The following EPHA5 variants were observed in gnomAD, a reference collection of about 807,000 sequenced individuals.
EPHA5 encodes ephrin type-A receptor 5.
EPHA5 carries 60 observed loss-of-function variants against 105.0 expected under a neutral mutation model. That is an observed-to-expected ratio of 0.57 (90% CI 0.46 to 0.71). EPHA5 has a LOEUF of 0.71. EPHA5 is among the 30% of genes least tolerant of loss of function. The pLI is 0.00. For synonymous variants in EPHA5, 513 were observed against 449.1 expected (o/e 1.14, Z -1.80); for missense variants, 1,218 against 1,274.7 (o/e 0.96, Z 0.68).
intron 5 of EPHA5, among the ~76,000 whole-genome samples, chr4:65,456,479 T>C (rs1727601312): frequency 1.3e-5 from 2 of 152,322 alleles, no homozygotes; most frequent in South Asian, 2.1e-4. Flanking sequence ...TTAGAATCAT[T>C]GATGAAATGT....
intron 2 of EPHA5, among the ~76,000 whole-genome samples, chr4:65,623,567 G>C (rs1745889222): frequency 6.6e-6 from 1 of 152,108 alleles, no homozygotes. Context: ...AGGAGATACA[G>C]TGTTTCTCTT....
intron 14 of EPHA5, among the ~76,000 whole-genome samples, chr4:65,343,543 T>C (rs1315295697): frequency 6.6e-6 from 1 of 152,194 alleles, no homozygotes; most frequent in Admixed American, 6.5e-5. Flanking sequence ...CATTTGAAAT[T>C]GCCAAATCAG....
intron 3 of EPHA5, among the ~76,000 whole-genome samples, chr4:65,544,175 T>A (rs1458926332): frequency 6.6e-6 from 1 of 151,932 alleles, no homozygotes; most frequent in Non-Finnish European, 1.5e-5. Context: ...GGCAAAAACT[T>A]CATGATGAAA....
chr4:65,490,277 A>G, intron 5 of EPHA5, 100 bp downstream of exon 5: 1 of 1,201,996 alleles, frequency 8.3e-7, no homozygotes, highest in South Asian at 1.4e-5. Context: ...CGGTTGAGGG[A>G]AAATTCTCAC....
intron 3 of EPHA5, among the ~76,000 whole-genome samples, chr4:65,541,831 A>G (rs1209372515): frequency 2.0e-5 from 3 of 151,822 alleles, no homozygotes; most frequent in Non-Finnish European, 4.4e-5. Context: ...TAAAATTGAC[A>G]TTATCGGAAG....
At chr4:65,478,694 A>G (rs1253027312) in intron 5 of EPHA5, among the ~76,000 whole-genome samples, 2 of 151,922 alleles carry the variant, frequency 1.3e-5, no homozygotes, top group Non-Finnish European at 1.5e-5. Flanking sequence ...CTGGTCTCAA[A>G]CTCCTGGCCT....
chr4:65,385,793 A>C (rs1471252200), intron 8 of EPHA5, among the ~76,000 whole-genome samples: 1 of 151,834 alleles, frequency 6.6e-6, no homozygotes, highest in African/African-American at 2.4e-5. Context: ...GTGACTATAT[A>C]TGATCTCCAA....
intron 8 of EPHA5, among the ~76,000 whole-genome samples, chr4:65,372,468 A>C (rs1718573071): frequency 6.6e-6 from 1 of 151,828 alleles, no homozygotes; most frequent in African/African-American, 2.4e-5. Flanking sequence ...TGTGTGAGTC[A>C]TTTATATTTT....
chr4:65,421,646 C>T (rs1723956416), intron 5 of EPHA5, among the ~76,000 whole-genome samples: 1 of 152,052 alleles, frequency 6.6e-6, no homozygotes, highest in South Asian at 2.1e-4. Context: ...TTACTTATTT[C>T]TTGGAGATAG....
At chr4:65,451,399 C>A (rs1727051210) in intron 5 of EPHA5, among the ~76,000 whole-genome samples, 1 of 151,978 alleles carries the variant, frequency 6.6e-6, no homozygotes, top group African/African-American at 2.4e-5. Context: ...CAATTATATA[C>A]CAAAATAAAC....
intron 5 of EPHA5, among the ~76,000 whole-genome samples, chr4:65,427,707 A>T (rs541793629): frequency 6.6e-6 from 1 of 152,302 alleles, no homozygotes; most frequent in African/African-American, 2.4e-5. Flanking sequence ...TTCCAGAGAA[A>T]CATGGGAAAT....
intron 1 of EPHA5, among the ~76,000 whole-genome samples, chr4:65,648,491 A>G (rs891255474): frequency 1.3e-5 from 2 of 152,218 alleles, no homozygotes; most frequent in Non-Finnish European, 2.9e-5. Flanking sequence ...CCTTGATGAC[A>G]TGAAGATAGA....
At chr4:65,527,950 T>A (rs1252350883) in intron 3 of EPHA5, among the ~76,000 whole-genome samples, 1 of 152,284 alleles carries the variant, frequency 6.6e-6, no homozygotes, top group Admixed American at 6.5e-5. Flanking sequence ...AGTATTTGGT[T>A]TTCTGATCCA....
intron 5 of EPHA5, among the ~76,000 whole-genome samples, chr4:65,429,474 C>G (rs1005585164): frequency 6.6e-6 from 1 of 151,954 alleles, no homozygotes; most frequent in African/African-American, 2.4e-5. Context: ...CTAACAGTAA[C>G]AAGGCCATAA....
chr4:65,547,856 T>C (rs1737533438), intron 3 of EPHA5, among the ~76,000 whole-genome samples: 1 of 152,036 alleles, frequency 6.6e-6, no homozygotes, highest in Non-Finnish European at 1.5e-5. Context: ...GCAGTCTAGA[T>C]AAAGCCAGAA....
chr4:65,637,597 T>TATATAC (rs889288051), intron 2 of EPHA5, among the ~76,000 whole-genome samples: 3 of 144,534 alleles, frequency 2.1e-5, no homozygotes, highest in East Asian at 2.0e-4. Context: ...TATATATATA[T>TATATAC]ACGTATATGC....
At chr4:65,346,107 G>T (rs2034540) in intron 14 of EPHA5, among the ~76,000 whole-genome samples, 81,000 of 147,972 alleles carry the variant, frequency 0.55, 22,475 homozygotes, top group East Asian at 0.8. Context: ...CTAATTTGTA[G>T]TTCTTTTATT....
intron 3 of EPHA5, among the ~76,000 whole-genome samples, chr4:65,586,218 G>C (rs1446758046): frequency 6.6e-6 from 1 of 151,396 alleles, no homozygotes; most frequent in Non-Finnish European, 1.5e-5. Context: ...TGAATAACAT[G>C]AAACCATCTT....
At chr4:65,634,567 T>C (rs1032619897) in intron 2 of EPHA5, among the ~76,000 whole-genome samples, 3 of 152,048 alleles carry the variant, frequency 2.0e-5, no homozygotes, top group Non-Finnish European at 2.9e-5. Context: ...TCTTAATTAT[T>C]TTACAGATGG....
Sources: gnomAD v4.1 joint callset for allele counts (sites outside exome capture counted in the v4.1 genomes callset) on GRCh38, gnomAD v4.1.1 for gene constraint, MANE v1.5 for transcripts, NCBI Gene and HGNC (gene_info 2026-07-23, HGNC 2026-07-21) for gene names.